ZDHHC11: variants seen among roughly 807,000 people sequenced by gnomAD.
The protein encoded by ZDHHC11 is zDHHC palmitoyltransferase 11, also known as palmitoyltransferase ZDHHC11.
Under a neutral mutation model 51.3 loss-of-function variants are expected in ZDHHC11, and 44 were observed. That is an observed-to-expected ratio of 0.86 (90% CI 0.67 to 1.10). The LOEUF (loss-of-function observed/expected upper bound fraction) is 1.10, where lower values mean the gene tolerates loss of function less well. Among genes scored for constraint, ZDHHC11 ranks in the 50% least tolerant of loss-of-function variants. The probability of loss-of-function intolerance (pLI) is 0.00; values close to 1 mark genes in which losing one functional copy is unlikely to be tolerated. For missense variants in ZDHHC11, 400 were observed against 537.7 expected (o/e 0.74, Z 2.53); for synonymous variants, 163 against 222.0 (o/e 0.73, Z 2.36).
intron 10 of ZDHHC11, chr5:816,972 A>C: frequency 7.8e-6 from 2 of 255,240 alleles, no homozygotes; most frequent in Non-Finnish European, 1.7e-5. Context: ...GCTCCCTGAC[A>C]CTCTCCCCAT....
chr5:852,269 G>C (rs1254415739), upstream of ZDHHC11, among the ~76,000 whole-genome samples: 1 of 152,176 alleles, frequency 6.6e-6, no homozygotes, highest in East Asian at 1.9e-4. Context: ...GAGGAGAAGA[G>C]GGGAATCGCT....
At chr5:855,258 A>G (rs1484127440), upstream of ZDHHC11, among the ~76,000 whole-genome samples, 2 of 141,856 alleles carry the variant, frequency 1.4e-5, no homozygotes, top group Non-Finnish European at 3.0e-5. Flanking sequence ...GGGGGGAGAG[A>G]CACCATGGAG....
rs572703911 is a variant in ZDHHC11, at chr5:843,201, C to T, written c.628+399G>A. ...CTACAGCCCAGCACCCTCAGCGCTG[C>T]CTCCACTCTCCCTCCCCATGGGCTG... On this transcript the variant is annotated intron_variant, in intron 4 of 12. Transcript: ENST00000283441. The T allele has an allele frequency of 3.5e-3, 1,339 of 379,610 alleles. 14 individuals are homozygous for T. Among genetic ancestry groups the T allele is most frequent in the African/African-American group, 0.025 (1,200 of 47,422 alleles). 23.5% of individuals were successfully genotyped at this position (379,610 alleles called of 1,614,324 possible). A position where few individuals can be genotyped will look rare whatever the true frequency, so the allele number is the denominator to read the frequency against.
intron 1 of ZDHHC11, among the ~76,000 whole-genome samples, chr5:858,074 A>C (rs113670219): frequency 2.5e-3 from 221 of 87,950 alleles, no homozygotes; most frequent in Middle Eastern, 0.011. Context: ...GGTCCCTGTC[A>C]TGTCTTTATG....
rs368645076 is a variant in ZDHHC11 at position 858,912 on chromosome 5, A to G, written c.-39T>C. On this transcript the variant is annotated 5_prime_UTR_variant, in exon 1 of 4. Transcript: ENST00000685990. ...AGTTCCTTCTCACGCCTATCACATC[A>G]CAGGTCCAGGCTGAAGAGCAAGAGA... 6.6e-5 allele frequency among the ~76,000 whole-genome samples: 10 copies of G among 152,016 alleles called. No individual in the cohort carries two copies. In the East Asian group the frequency reaches 1.6e-3, roughly 24 times the overall value.
At chr5:841,156 G>A (rs1579743022) in intron 4 of ZDHHC11, 3 of 1,018,262 alleles carry the variant, frequency 2.9e-6, no homozygotes, top group African/African-American at 3.8e-5. Flanking sequence ...GGGTCACAGT[G>A]CCCACCCCTT....
upstream of ZDHHC11, among the ~76,000 whole-genome samples, chr5:860,544 C>G (rs1325645474): frequency 6.6e-6 from 1 of 152,040 alleles, no homozygotes; most frequent in East Asian, 1.9e-4. The surrounding 1 kb of genome is among the most constrained non-coding windows in gnomAD (Gnocchi z 4.2). Flanking sequence ...AACAAAATAC[C>G]TGAGACGGAG....
chr5:845,399 G>A (rs1163277739), intron 3 of ZDHHC11, among the ~76,000 whole-genome samples: 2 of 151,980 alleles, frequency 1.3e-5, no homozygotes, highest in African/African-American at 4.9e-5. Context: ...AAAGCCCACA[G>A]GATGGGGCAG....
intron 5 of ZDHHC11, 99 bp downstream of exon 5, chr5:840,396 G>T: frequency 6.5e-7 from 1 of 1,535,362 alleles, no homozygotes; most frequent in Non-Finnish European, 8.9e-7. Context: ...CCAGGCGTGG[G>T]GGGCTCAGGG....
chr5:804,693 G>T (rs889892159), intron 11 of ZDHHC11, among the ~76,000 whole-genome samples: 2 of 151,104 alleles, frequency 1.3e-5, no homozygotes, highest in Non-Finnish European at 3.0e-5. Flanking sequence ...AGGCAGTGGG[G>T]TGACATAGTT....
At chr5:798,076 C>G (rs1737843645) in intron 12 of ZDHHC11, among the ~76,000 whole-genome samples, 1 of 146,320 alleles carries the variant, frequency 6.8e-6, no homozygotes, top group Non-Finnish European at 1.5e-5. Context: ...CCCCCTGATT[C>G]CTTTGCGGGT....
chr5:850,366 C>T lies in ZDHHC11; in HGVS notation c.222+15G>A, dbSNP rs763083256. The T allele has an allele frequency of 1.1e-5, 18 of 1,612,534 alleles. No homozygotes were observed. In the African/African-American group the frequency reaches 1.2e-4, roughly 11 times the overall value. On this transcript the variant is annotated intron_variant, in intron 1 of 12. Transcript: ENST00000283441. ...AACCCCTCCCGCTTAGACCATGCCA[C>T]GATGAAAAGGATACCACGTAGGCAA...
intron 6 of ZDHHC11, 60 bp downstream of exon 6, chr5:837,305 C>G: frequency 4.4e-6 from 7 of 1,592,492 alleles, no homozygotes; most frequent in Non-Finnish European, 5.2e-6. Flanking sequence ...GTCCCAACCA[C>G]CGAGTGACCT....
At chr5:823,416 T>A (rs183213974) in intron 8 of ZDHHC11, 1 of 151,360 alleles carries the variant, frequency 6.6e-6, no homozygotes, top group Non-Finnish European at 1.5e-5. Flanking sequence ...AAGCCAAACA[T>A]TAGAAATGTA....
chr5:845,328 T>C (rs1745960563), intron 3 of ZDHHC11, among the ~76,000 whole-genome samples: 1 of 152,286 alleles, frequency 6.6e-6, no homozygotes, highest in South Asian at 2.1e-4. Flanking sequence ...CATCCTACTG[T>C]CTGGACAGGA....
At chr5:855,864 C>T (rs1004637427), upstream of ZDHHC11, among the ~76,000 whole-genome samples, 1 of 141,104 alleles carries the variant, frequency 7.1e-6, no homozygotes, top group Non-Finnish European at 1.5e-5. Context: ...AGACAGCGAG[C>T]GAGGGGCACA....
In ZDHHC11 at chr5:802,882, G is replaced by A. The variant is rs1382996719; in HGVS notation, c.1182-1718C>T. ...AAAAAAAAAAAAAAAAAAGCTAAAT[G>A]TGGTGGTTAGTGCCTGTAGTCCCAG... On this transcript the variant is annotated intron_variant, in intron 11 of 12. Transcript: ENST00000283441. Among the ~76,000 whole-genome samples, 6 of 104,860 alleles carry A rather than the reference G, an allele frequency of 5.7e-5. 1 individual carries two copies. In the South Asian group the frequency reaches 1.5e-3, roughly 26 times the overall value. 68.8% of individuals were successfully genotyped at this position (104,860 alleles called of 152,430 possible).
At chr5:806,805 A>G (rs1231770161) in intron 11 of ZDHHC11, among the ~76,000 whole-genome samples, 13 of 151,344 alleles carry the variant, frequency 8.6e-5, no homozygotes, top group Admixed American at 8.6e-4. Flanking sequence ...ATACTGAAGA[A>G]GGCCACAATA....
intron 3 of ZDHHC11, among the ~76,000 whole-genome samples, chr5:845,782 C>T (rs1746055305): frequency 6.6e-6 from 1 of 151,144 alleles, no homozygotes; most frequent in African/African-American, 2.5e-5. Flanking sequence ...GGCACAGATG[C>T]CGGCGTTGGC....
Sources: allele counts gnomAD v4.1 joint callset (sites outside exome capture counted in the v4.1 genomes callset), GRCh38; gene constraint gnomAD v4.1.1; non-coding constraint Gnocchi (gnomAD v3.1); transcripts MANE v1.5; gene names NCBI Gene and HGNC (gene_info 2026-07-23, HGNC 2026-07-21).